Variants in USP54 observed in about 807,000 individuals in gnomAD.
USP54 encodes the protein ubiquitin carboxyl-terminal hydrolase 54.
A neutral mutation model predicts 170.5 loss-of-function variants in USP54; 87 were observed. The observed-to-expected ratio is 0.51, with a 90% CI of 0.43 to 0.61. USP54 has a LOEUF of 0.61. Among genes scored for constraint, USP54 ranks in the 20% least tolerant of loss-of-function variants. USP54 has a pLI of 0.00. For missense variants in USP54, 1,786 were observed against 2,047.8 expected, an observed-to-expected ratio of 0.87 and a Z score of 2.47; for synonymous variants, 655 against 742.8, an observed-to-expected ratio of 0.88 and a Z score of 1.92.
chr10:73,607,569 G>A (rs1197256010), intron 1 of USP54, among the ~76,000 whole-genome samples: 2 of 151,870 alleles, frequency 1.3e-5, no homozygotes, highest in Admixed American at 6.6e-5. Context: ...GGTGGCTCGC[G>A]CCTGTAATCC....
intron 1 of USP54, among the ~76,000 whole-genome samples, chr10:73,604,974 GCTGATCGGTCCATTTTACAGAGTA>G (rs1004137219): frequency 3.9e-5 from 6 of 152,120 alleles, no homozygotes; most frequent in Non-Finnish European, 7.4e-5. Context: ...CCCACGTCCT[GCTGATCGGTCCATTTTACAGAGTA>G]CTGATTGGTC....
chr10:73,602,850 T>C (rs1202908726), intron 1 of USP54, among the ~76,000 whole-genome samples: 2 of 116,168 alleles, frequency 1.7e-5, no homozygotes, highest in African/African-American at 7.8e-5. Flanking sequence ...AGCAAGACTC[T>C]GTCTCAAAAA....
chr10:73,539,452 C>CA lies in USP54; in HGVS notation c.966dup (p.Val323CysfsTer45). The CA allele has an allele frequency of 6.2e-7, 1 of 1,610,474 alleles. No individual in the cohort carries two copies. The highest frequency in any genetic ancestry group is 8.5e-7 in the Non-Finnish European group (1 of 1,177,824). On this transcript the variant is annotated frameshift_variant, in exon 10 of 24. Transcript: ENST00000687698. LOFTEE classifies it high-confidence loss of function. ...GACTTGACTACTCCTACCTCCTTGA[C>CA]ATGAGCATCATCAAAATACATCCAT...
At chr10:73,584,892 G>C (rs2077303041) in intron 1 of USP54, among the ~76,000 whole-genome samples, 1 of 152,046 alleles carries the variant, frequency 6.6e-6, no homozygotes, top group African/African-American at 2.4e-5. Flanking sequence ...TTTCACTGCT[G>C]CTGCTACTAA....
Position 73,617,905 on chromosome 10 carries a change from G to GAAATAA in USP54, c.-18+7656_-18+7661dup, listed in dbSNP as rs756547150. On this transcript the variant is annotated intron_variant, in intron 1 of 22. Transcript: ENST00000339859. ...CTAGGCAACAAAGACCCTGTCTTAA[G>GAAATAA]AAATAAAAATAAAAATAAAAATAAA... Among the ~76,000 whole-genome samples the GAAATAA allele has an allele frequency of 5.0e-4, 74 of 149,126 alleles. 3 individuals carry two copies. Among genetic ancestry groups the GAAATAA allele is most frequent in the Middle Eastern group, 3.4e-3 (1 of 294 alleles).
chr10:73,533,260 C>T (rs983338066), intron 12 of USP54, among the ~76,000 whole-genome samples: 1 of 151,592 alleles, frequency 6.6e-6, no homozygotes, highest in African/African-American at 2.4e-5. Context: ...GAGCCAAGAT[C>T]GTGCCACTGC....
intron 20 of USP54, among the ~76,000 whole-genome samples, chr10:73,515,283 T>C (rs567822728): frequency 6.6e-6 from 1 of 151,204 alleles, no homozygotes; most frequent in Admixed American, 6.6e-5. Flanking sequence ...TATCTTTTTT[T>C]AAAAAAAAAG....
intron 4 of USP54, among the ~76,000 whole-genome samples, chr10:73,564,625 AG>A (rs1160702156): frequency 6.6e-6 from 1 of 152,214 alleles, no homozygotes; most frequent in East Asian, 1.9e-4. Context: ...GGATCACCAT[AG>A]GACTACAGTT....
At chr10:73,599,976 A>G (rs563270425) in intron 1 of USP54, among the ~76,000 whole-genome samples, 2 of 143,082 alleles carry the variant, frequency 1.4e-5, no homozygotes, top group African/African-American at 5.3e-5. Context: ...ATCTTGGCTC[A>G]CTGCAACCTC....
chr10:73,543,257 A>T, intron 5 of USP54, 126 bp from the exon 6 acceptor site: 1 of 672,076 alleles, frequency 1.5e-6, no homozygotes, highest in Non-Finnish European at 2.5e-6. Flanking sequence ...ATTTTTAAAA[A>T]TTTTTAGTTT....
intron 12 of USP54, among the ~76,000 whole-genome samples, chr10:73,534,057 T>C (rs901153403): frequency 2.6e-5 from 4 of 152,238 alleles, no homozygotes; most frequent in Admixed American, 2.0e-4. Context: ...ATCGTCTTTA[T>C]TGACATGCTG....
intron 16 of USP54, among the ~76,000 whole-genome samples, chr10:73,524,502 C>T (rs1399153940): frequency 6.6e-6 from 1 of 152,032 alleles, no homozygotes; most frequent in Non-Finnish European, 1.5e-5. Context: ...ATCACTTTAA[C>T]CCGGGAGGTG....
intron 1 of USP54, among the ~76,000 whole-genome samples, chr10:73,596,720 C>CAAAAA (rs36049099): frequency 3.3e-5 from 3 of 91,832 alleles, no homozygotes; most frequent in African/African-American, 1.4e-4. Context: ...GATCCTGTCT[C>CAAAAA]AAAAAAAAAA....
rs760908320 is a variant in USP54, at chr10:73,542,820, G to C, written c.555C>G (p.Ile185Met). 2 of 1,613,978 alleles carry C rather than the reference G, an allele frequency of 1.2e-6. No individual in the cohort carries two copies. The highest frequency in any genetic ancestry group is 3.3e-5 in the Admixed American group (2 of 60,008). ...AGACTCACCAAAGGGAAGTGGTGGA[G>C]ATATAATGTACCATCTGGATGAAAG... ...PLPFIQMVHYISTTSLCNQAI... is the reference protein window; with the variant it reads ...PLPFIQMVHYMSTTSLCNQAI... Residue 185 changes from isoleucine to methionine, a missense_variant, in exon 7 of 24, where the codon ATC becomes ATG. Around this residue, in one of 3 missense-constraint regions of USP54, gnomAD observed 361 missense variants for 455.0 expected, o/e 0.79. Coordinates refer to ENST00000687698, the MANE Select transcript of USP54 (RefSeq NM_001391956.1).
chr10:73,580,478 T>C (rs1047197857), intron 1 of USP54, among the ~76,000 whole-genome samples: 4 of 152,158 alleles, frequency 2.6e-5, no homozygotes, highest in Non-Finnish European at 4.4e-5. Context: ...TATGGGATTA[T>C]GGGACTTACC....
At chr10:73,620,229 C>A (rs753018466) in intron 1 of USP54, among the ~76,000 whole-genome samples, 4 of 149,178 alleles carry the variant, frequency 2.7e-5, no homozygotes, top group Non-Finnish European at 4.4e-5. Flanking sequence ...AGGAGAATTG[C>A]TTGAACCTGG....
intron 12 of USP54, among the ~76,000 whole-genome samples, chr10:73,531,259 C>G (rs2063912240): frequency 6.6e-6 from 1 of 151,444 alleles, no homozygotes; most frequent in Non-Finnish European, 1.5e-5. Context: ...CCACTGCACT[C>G]CAGCCTGGAC....
intron 16 of USP54, among the ~76,000 whole-genome samples, chr10:73,524,967 C>G (rs1259255508): frequency 1.3e-5 from 2 of 152,146 alleles, no homozygotes; most frequent in Non-Finnish European, 2.9e-5. Context: ...TTTCCACCAC[C>G]TCTTTGAATT....
chr10:73,571,269 A>G (rs1263613781), intron 4 of USP54, 152 bp downstream of exon 4: 1 of 627,832 alleles, frequency 1.6e-6, no homozygotes, highest in Non-Finnish European at 2.7e-6. Context: ...TCTTTGAAGC[A>G]AGCAAACAAA....
Sources: allele counts gnomAD v4.1 joint callset (sites outside exome capture counted in the v4.1 genomes callset), GRCh38; gene constraint gnomAD v4.1.1; regional missense constraint gnomAD v4.1.1; transcripts MANE v1.5; gene names NCBI Gene and HGNC (gene_info 2026-07-23, HGNC 2026-07-21).